Variants in MAP4K5 observed in about 807,000 individuals in gnomAD.
MAP4K5 encodes MAPK/ERK kinase kinase kinase 5.
A neutral mutation model predicts 135.6 loss-of-function variants in MAP4K5; 82 were observed. The observed-to-expected ratio is 0.60, with a 90% CI of 0.51 to 0.73. The LOEUF is 0.73. Ranked by LOEUF, MAP4K5 falls within the 30% of genes least tolerant of loss-of-function variation. MAP4K5 has a pLI of 0.00. For missense variants in MAP4K5, 907 were observed against 1,010.9 expected (o/e 0.90, Z 1.39); for synonymous variants, 347 against 335.0 (o/e 1.04, Z -0.39).
chr14:50,555,442 C>T (rs2038754433), intron 1 of MAP4K5, among the ~76,000 whole-genome samples: 2 of 152,054 alleles, frequency 1.3e-5, no homozygotes, highest in Admixed American at 6.6e-5. Flanking sequence ...CCACCCGTCC[C>T]GGCTAATTTT....
chr14:50,553,567 G>T (rs1006600836), intron 1 of MAP4K5, among the ~76,000 whole-genome samples: 15 of 152,096 alleles, frequency 9.9e-5, no homozygotes, highest in African/African-American at 3.6e-4. Context: ...ACTAAAAGTG[G>T]AACTACCATT....
At chr14:50,542,006 CAAAAAAAAAAAAAAAAAAAAAA>C (rs59075218) in intron 2 of MAP4K5, among the ~76,000 whole-genome samples, 1,446 of 62,404 alleles carry the variant, frequency 0.023, 51 homozygotes, top group African/African-American at 0.11. Context: ...GATTCCGTCT[CAAAAAAAAAAAAAAAAAAAAAA>C]AAAAAAAAAA....
chr14:50,454,358 G>A (rs1009227679), intron 14 of MAP4K5, among the ~76,000 whole-genome samples: 5 of 152,116 alleles, frequency 3.3e-5, no homozygotes, highest in African/African-American at 1.2e-4. Flanking sequence ...CATATTTTTA[G>A]CTGGGTGGTA....
At chr14:50,471,311 A>G (rs75667981) in intron 9 of MAP4K5, among the ~76,000 whole-genome samples, 2,168 of 152,254 alleles carry the variant, frequency 0.014, 42 homozygotes, top group African/African-American at 0.05. Flanking sequence ...ATTATTCAGA[A>G]TATATATATT....
chr14:50,532,264 G>T (rs1464714030), intron 1 of MAP4K5, 106 bp from the exon 2 acceptor site: 2 of 496,488 alleles, frequency 4.0e-6, no homozygotes, highest in African/African-American at 4.1e-5. Context: ...CAGGGGCCGT[G>T]GAAGAGAAAG....
intron 12 of MAP4K5, 89 bp from the exon 13 acceptor site, chr14:50,462,870 T>A: frequency 1.3e-6 from 1 of 748,500 alleles, no homozygotes; most frequent in Non-Finnish European, 2.4e-6. Flanking sequence ...ATTCAGTAAC[T>A]AGCAGAGACA....
intron 2 of MAP4K5, among the ~76,000 whole-genome samples, chr14:50,521,476 CTAACAGTAAGATTGAGGG>C (rs1319720790): frequency 6.6e-6 from 1 of 152,152 alleles, no homozygotes; most frequent in African/African-American, 2.4e-5. Context: ...GTGCCATCTA[CTAACAGTAAGATTGAGGG>C]TAACAGTAAG....
At chr14:50,431,358 C>T (rs1055832679) in intron 28 of MAP4K5, among the ~76,000 whole-genome samples, 3 of 152,130 alleles carry the variant, frequency 2.0e-5, no homozygotes, top group Non-Finnish European at 4.4e-5. Flanking sequence ...CCCACTAACT[C>T]GTCATCTAGC....
At chr14:50,534,392 T>A (rs2038465830), upstream of MAP4K5, among the ~76,000 whole-genome samples, 1 of 152,234 alleles carries the variant, frequency 6.6e-6, no homozygotes, top group African/African-American at 2.4e-5. Flanking sequence ...AGAAGAGGCA[T>A]ATATTTTCCT....
intron 3 of MAP4K5, among the ~76,000 whole-genome samples, chr14:50,498,353 C>G (rs1222845902): frequency 6.6e-6 from 1 of 152,110 alleles, no homozygotes; most frequent in Non-Finnish European, 1.5e-5. Context: ...TAGTAAGTAT[C>G]TACTATAAAA....
At chr14:50,514,930 G>A (rs1401815848) in intron 2 of MAP4K5, among the ~76,000 whole-genome samples, 2 of 147,778 alleles carry the variant, frequency 1.4e-5, no homozygotes, top group Non-Finnish European at 3.0e-5. Flanking sequence ...TTGAGATGGA[G>A]TCTCGCTCTG....
At chr14:50,440,328 T>C in intron 22 of MAP4K5, 34 bp downstream of exon 22, 2 of 1,368,738 alleles carry the variant, frequency 1.5e-6, no homozygotes, top group Non-Finnish European at 1.0e-6. Context: ...TCAATTTGTT[T>C]AAATTAATTT....
In MAP4K5 at chr14:50,444,026, A is replaced by G; in HGVS notation, c.1350T>C (p.Asp450=). The change falls in exon 19 of 33, where the codon GAT becomes GAC. Residue 450 remains aspartate (D), a synonymous_variant. Transcript: ENST00000682126. ...TTTCACTCATCAGTTTTGAAATACC[A>G]TCACCATTTCCTAAAGAGAATCATG... The part of the protein sequence containing the change: ...VAETSSIGNG[D]GISKLMSENT... 2.5e-6 allele frequency: 4 copies of G among 1,599,166 alleles called. No individual in the cohort carries two copies. The highest frequency in any genetic ancestry group is 2.2e-5 in the South Asian group (2 of 88,940).
intron 14 of MAP4K5, among the ~76,000 whole-genome samples, chr14:50,455,577 G>A (rs1387991925): frequency 6.6e-6 from 1 of 152,012 alleles, no homozygotes; most frequent in East Asian, 1.9e-4. Context: ...TGAAACAACT[G>A]AGAAGGGAAA....
chr14:50,525,620 G>C (rs1467630805), intron 2 of MAP4K5, among the ~76,000 whole-genome samples: 2 of 152,168 alleles, frequency 1.3e-5, no homozygotes, highest in African/African-American at 2.4e-5. Context: ...TGGATTGCTT[G>C]AGCCTCCGAG....
At position 50,464,104 on chromosome 14, in the gene MAP4K5, A is replaced by G. The variant is rs2036777301; in HGVS notation, c.767T>C (p.Ile256Thr). The part of the protein sequence containing the change: ...WSSTFHNFVK[I>T]ALTKNPKKRP... The stretch of plus-strand genomic sequence containing the variant: ...TTTTTTTGGGTTTTTGGTTAGTGCT[A>G]TTTTGACAAAATTATGGAATGTTGA... The change falls in exon 12 of 33, where the codon ATA becomes ACA. Residue 256 changes from isoleucine to threonine, a missense_variant. Ile to Thr is a moderately conservative substitution (Grantham distance 89). Coordinates refer to ENST00000682126, the MANE Select transcript of MAP4K5 (RefSeq NM_006575.6). 1.3e-6 allele frequency: 2 copies of G among 1,540,216 alleles called. No homozygotes were observed. The highest frequency in any genetic ancestry group is 1.4e-5 in the African/African-American group (1 of 72,834).
chr14:50,559,556 T>G (rs1446480134), intron 1 of MAP4K5: 1 of 152,274 alleles, frequency 6.6e-6, no homozygotes, highest in Non-Finnish European at 1.5e-5. Context: ...GACCTTATCT[T>G]TGCAAATCTA....
At chr14:50,428,220 T>C (rs114070519) in intron 30 of MAP4K5, among the ~76,000 whole-genome samples, 2,404 of 152,340 alleles carry the variant, frequency 0.016, 56 homozygotes, top group African/African-American at 0.054. Context: ...AACAGCCATA[T>C]ATGTTTAATC....
intron 13 of MAP4K5, among the ~76,000 whole-genome samples, chr14:50,461,413 G>A (rs1469132221): frequency 2.0e-5 from 3 of 151,160 alleles, no homozygotes; most frequent in Non-Finnish European, 2.9e-5. Flanking sequence ...AGATAAAAGG[G>A]AAATAAAATA....
Sources: gnomAD v4.1 joint callset for allele counts (sites outside exome capture counted in the v4.1 genomes callset) on GRCh38, gnomAD v4.1.1 for gene constraint, MANE v1.5 for transcripts, NCBI Gene and HGNC (gene_info 2026-07-23, HGNC 2026-07-21) for gene names.